PRKG1: variants seen among roughly 807,000 people sequenced by gnomAD.
The protein encoded by PRKG1 is cGMP-dependent protein kinase 1.
In PRKG1, 35 loss-of-function variants were observed where a neutral mutation model predicts 88.1. That is an observed-to-expected ratio of 0.40 (90% CI 0.30 to 0.53). PRKG1 has a LOEUF of 0.53. Among genes scored for constraint, PRKG1 ranks in the 20% least tolerant of loss-of-function variants. PRKG1 has a pLI of 0.59. For missense variants in PRKG1, 540 were observed against 839.8 expected (o/e 0.64, Z 4.41); for synonymous variants, 303 against 292.5 (o/e 1.04, Z -0.37).
intron 1 of PRKG1, among the ~76,000 whole-genome samples, chr10:51,136,565 A>G (rs1056022884): frequency 9.0e-6 from 1 of 111,360 alleles, no homozygotes; most frequent in Non-Finnish European, 1.7e-5. Context: ...TGAAGAACAT[A>G]GAGTTTTTAG....
At chr10:51,939,962 A>G (rs886108723) in intron 5 of PRKG1, among the ~76,000 whole-genome samples, 4 of 151,944 alleles carry the variant, frequency 2.6e-5, no homozygotes, top group African/African-American at 9.7e-5. Context: ...TAAAACATTC[A>G]ATGAATGGAG....
chr10:52,162,673 T>C (rs749725851), intron 9 of PRKG1, among the ~76,000 whole-genome samples: 7 of 152,144 alleles, frequency 4.6e-5, no homozygotes, highest in Non-Finnish European at 7.4e-5. Context: ...ATTTGATCTG[T>C]TGATTTTGTA....
chr10:51,546,610 C>T (rs893865225), intron 3 of PRKG1, among the ~76,000 whole-genome samples: 4 of 152,026 alleles, frequency 2.6e-5, no homozygotes, highest in Non-Finnish European at 5.9e-5. Flanking sequence ...AAATTCAGTT[C>T]ACCTTCTACT....
rs899895587 is a variant in PRKG1, at chr10:52,257,550, C to T, written c.1173+5884C>T. ...TGGGCAGTATTGCCATGTGTACCCA[C>T]GGTGATTTATGCTACATCGGACACC... is the stretch of plus-strand genomic sequence containing the variant. On this transcript the variant is annotated intron_variant, in intron 10 of 17. Transcript: ENST00000373980. Among the ~76,000 whole-genome samples, 3 of 139,632 alleles carry T rather than the reference C, an allele frequency of 2.1e-5. 1 individual carries two copies. Among genetic ancestry groups the T allele is most frequent in the East Asian group, 2.1e-4 (1 of 4,848 alleles). The allele number at this position is 139,632 out of a possible 152,430, so 91.6% of individuals were successfully genotyped here. A position where few individuals can be genotyped will look rare whatever the true frequency, so the allele number is the denominator to read the frequency against.
chr10:51,970,481 T>C (rs1362729053), intron 5 of PRKG1, among the ~76,000 whole-genome samples: 1 of 151,524 alleles, frequency 6.6e-6, no homozygotes, highest in Non-Finnish European at 1.5e-5. Context: ...AACCTTGTTT[T>C]ATAAGAAATT....
At chr10:51,107,190 A>T (rs1844857631) in intron 1 of PRKG1, among the ~76,000 whole-genome samples, 1 of 152,122 alleles carries the variant, frequency 6.6e-6, no homozygotes, top group African/African-American at 2.4e-5. Context: ...CGTGTACATG[A>T]GGGCCAGCAG....
At chr10:51,691,013 T>G (rs1841127725) in intron 3 of PRKG1, among the ~76,000 whole-genome samples, 1 of 150,070 alleles carries the variant, frequency 6.7e-6, no homozygotes, top group South Asian at 2.1e-4. Context: ...ACATTTAATA[T>G]CTACATATAT....
At chr10:52,222,665 TTGTC>T (rs1309695075) in intron 9 of PRKG1, among the ~76,000 whole-genome samples, 3 of 152,198 alleles carry the variant, frequency 2.0e-5, no homozygotes, top group African/African-American at 7.2e-5. Flanking sequence ...AGTTAGTAAA[TTGTC>T]TGTGACTCAG....
chr10:51,083,696 C>A (rs1042933484), intron 1 of PRKG1, among the ~76,000 whole-genome samples: 3 of 152,066 alleles, frequency 2.0e-5, no homozygotes, highest in Non-Finnish European at 4.4e-5. Flanking sequence ...GTTGAGAGGT[C>A]GGAGACGACA....
intron 3 of PRKG1, among the ~76,000 whole-genome samples, chr10:51,557,386 G>A (rs1837341733): frequency 6.6e-6 from 1 of 151,374 alleles, no homozygotes. Flanking sequence ...AATTAGTACT[G>A]CCTTTGGGTA....
At chr10:51,388,490 A>G (rs935036359) in intron 2 of PRKG1, among the ~76,000 whole-genome samples, 1 of 152,164 alleles carries the variant, frequency 6.6e-6, no homozygotes, top group Non-Finnish European at 1.5e-5. Flanking sequence ...CTTGAGCCTC[A>G]AGTTAAAGTT....
intron 5 of PRKG1, among the ~76,000 whole-genome samples, chr10:51,966,479 T>C (rs1412905062): frequency 6.6e-6 from 1 of 152,200 alleles, no homozygotes; most frequent in Non-Finnish European, 1.5e-5. Context: ...CACTTTTTCT[T>C]TCCGTATTTC....
At chr10:51,349,090 G>A (rs148096440) in intron 2 of PRKG1, among the ~76,000 whole-genome samples, 1 of 152,294 alleles carries the variant, frequency 6.6e-6, no homozygotes, top group East Asian at 1.9e-4. Flanking sequence ...GCCAAGGTAA[G>A]CACTGTATTA....
intron 5 of PRKG1, among the ~76,000 whole-genome samples, chr10:51,916,139 C>T (rs1420244064): frequency 1.3e-5 from 2 of 152,208 alleles, no homozygotes; most frequent in Middle Eastern, 3.4e-3. Flanking sequence ...GTAAAATGAG[C>T]CTAAAACCTA....
chr10:52,039,430 A>C (rs1321487555), intron 5 of PRKG1, among the ~76,000 whole-genome samples: 1 of 152,054 alleles, frequency 6.6e-6, no homozygotes, highest in Non-Finnish European at 1.5e-5. Context: ...TTTGTGGTGG[A>C]ATGTCATCAG....
intron 3 of PRKG1, among the ~76,000 whole-genome samples, chr10:51,772,250 A>G (rs1838322781): frequency 6.6e-6 from 1 of 152,180 alleles, no homozygotes; most frequent in Non-Finnish European, 1.5e-5. Flanking sequence ...GTACATTTTG[A>G]TGTAGTAACT....
At chr10:52,233,594 C>T (rs370317626) in intron 9 of PRKG1, among the ~76,000 whole-genome samples, 13 of 147,730 alleles carry the variant, frequency 8.8e-5, no homozygotes, top group Middle Eastern at 3.5e-3. Flanking sequence ...CCGAATATTG[C>T]GCTTTTCAGA....
intron 2 of PRKG1, among the ~76,000 whole-genome samples, chr10:51,220,198 G>GACAC (rs59648498): frequency 0.03 from 4,557 of 152,176 alleles, 237 homozygotes; most frequent in African/African-American, 0.1. Flanking sequence ...AATCTTCCAG[G>GACAC]ACACAAGGAC....
chr10:51,516,144 T>A (rs573152939), intron 3 of PRKG1, among the ~76,000 whole-genome samples: 2 of 152,158 alleles, frequency 1.3e-5, no homozygotes, highest in Admixed American at 6.5e-5. Flanking sequence ...ATGCAGAGAA[T>A]TTTATTGATC....
Sources: allele counts gnomAD v4.1 joint callset (sites outside exome capture counted in the v4.1 genomes callset), GRCh38; gene constraint gnomAD v4.1.1; transcripts MANE v1.5; gene names NCBI Gene and HGNC (gene_info 2026-07-23, HGNC 2026-07-21).